Variants in FER observed in about 807,000 individuals in gnomAD.
FER encodes the protein tyrosine-protein kinase Fer.
A neutral mutation model predicts 111.0 loss-of-function variants in FER; 63 were observed. That is an observed-to-expected ratio of 0.57 (90% CI 0.46 to 0.70). The LOEUF (loss-of-function observed/expected upper bound fraction) is 0.70. FER is among the 30% of genes least tolerant of loss of function. The pLI is 0.00. For missense variants in FER, 914 were observed against 954.0 expected, an observed-to-expected ratio of 0.96 and a Z score of 0.55; for synonymous variants, 327 against 313.9, an observed-to-expected ratio of 1.04 and a Z score of -0.44.
chr5:109,110,942 A>G (rs1749539331), intron 17 of FER, among the ~76,000 whole-genome samples: 1 of 152,166 alleles, frequency 6.6e-6, no homozygotes. Flanking sequence ...AGATGGACAG[A>G]GTACCATTCC....
In FER at chr5:108,897,847, T is replaced by C; in HGVS notation, c.1235T>C (p.Met412Thr). 6.2e-7 allele frequency: 1 copy of C among 1,605,794 alleles called. No homozygotes were observed. The highest frequency in any genetic ancestry group is 8.5e-7 in the Non-Finnish European group (1 of 1,176,682). ...YEEDARSVTS[M>T]ERKERLSKFE... The stretch of plus-strand genomic sequence containing the variant: ...GAAGATGCACGATCAGTTACATCTA[T>C]GGTAAGCTAAAGAATAATCCAATGA... The change falls in exon 10 of 20, where the codon ATG (methionine) becomes ACG (threonine). Residue 412 changes from methionine (M) to threonine (T), a missense_variant and splice_region_variant. By Grantham distance (81) the Met-to-Thr change is moderately conservative. Coordinates refer to ENST00000281092, the MANE Select transcript of FER (RefSeq NM_005246.4).
At position 109,030,393 on chromosome 5, in the gene FER, A is replaced by G. The variant is rs188971121; in HGVS notation, c.1657-7029A>G. Among the ~76,000 whole-genome samples the G allele has an allele frequency of 2.0e-3, 305 of 152,276 alleles. 2 individuals carry two copies. The highest frequency in any genetic ancestry group is 7.1e-3 in the African/African-American group (295 of 41,554). ...GATGATTTTTAATTGTACCCTAGAC[A>G]TATAATCTATTATGTTAGGACATCT... On this transcript the variant is annotated intron_variant, in intron 13 of 19. Transcript: ENST00000281092.
At chr5:109,184,656 T>G (rs1758661303) in intron 18 of FER, among the ~76,000 whole-genome samples, 1 of 152,218 alleles carries the variant, frequency 6.6e-6, no homozygotes, top group South Asian at 2.1e-4. Context: ...AAGTATTAAA[T>G]TATTGAATGC....
At chr5:109,051,749 C>T (rs1772863586) in intron 16 of FER, 8 of 1,569,122 alleles carry the variant, frequency 5.1e-6, no homozygotes, top group South Asian at 4.4e-5. Context: ...TTAACCCAAT[C>T]CTTAACGCCC....
intron 17 of FER, among the ~76,000 whole-genome samples, chr5:109,103,686 ACTT>A (rs536742590): frequency 7.4e-4 from 113 of 152,262 alleles, no homozygotes; most frequent in African/African-American, 2.5e-3. Context: ...TCCTACTTGT[ACTT>A]TATGAACTGT....
At chr5:108,963,166 G>A (rs1166963827) in intron 13 of FER, among the ~76,000 whole-genome samples, 1 of 152,092 alleles carries the variant, frequency 6.6e-6, no homozygotes, top group Non-Finnish European at 1.5e-5. Flanking sequence ...TGACACTTTT[G>A]GAAGATATTT....
intron 1 of FER, among the ~76,000 whole-genome samples, chr5:108,757,955 G>T (rs2149921643): frequency 6.6e-6 from 1 of 152,196 alleles, no homozygotes; most frequent in South Asian, 2.1e-4. Context: ...TCTGGAACTG[G>T]CATTCTAAGA....
intron 16 of FER, among the ~76,000 whole-genome samples, chr5:109,057,024 A>G (rs1773742088): frequency 6.6e-6 from 1 of 152,142 alleles, no homozygotes; most frequent in South Asian, 2.1e-4. Context: ...TTTGGGGAAA[A>G]TAGACTTCCT....
intron 17 of FER, among the ~76,000 whole-genome samples, chr5:109,104,267 G>C (rs1748608568): frequency 6.6e-6 from 1 of 152,156 alleles, no homozygotes; most frequent in African/African-American, 2.4e-5. Flanking sequence ...TGAAGACATT[G>C]ATATTTCCAG....
chr5:108,922,832 A>T (rs1753206260), intron 10 of FER, among the ~76,000 whole-genome samples: 2 of 152,200 alleles, frequency 1.3e-5, no homozygotes, highest in African/African-American at 4.8e-5. Context: ...TAAATTGTTA[A>T]TGTATCTTTG....
chr5:108,995,056 A>G (rs1763812337), intron 13 of FER, among the ~76,000 whole-genome samples: 2 of 152,110 alleles, frequency 1.3e-5, no homozygotes, highest in South Asian at 4.2e-4. Flanking sequence ...TCATCTGCAA[A>G]CAGAGGTAGT....
chr5:109,118,363 A>C (rs1750541438), intron 17 of FER, among the ~76,000 whole-genome samples: 3 of 152,150 alleles, frequency 2.0e-5, no homozygotes, highest in Non-Finnish European at 4.4e-5. Flanking sequence ...AGCCCACTTG[A>C]TCATGGTGGA....
chr5:108,981,894 T>C (rs1162728876), intron 13 of FER, among the ~76,000 whole-genome samples: 1 of 152,108 alleles, frequency 6.6e-6, no homozygotes, highest in Non-Finnish European at 1.5e-5. Context: ...TGCCTGTAAT[T>C]TCATGTTCAT....
intron 13 of FER, among the ~76,000 whole-genome samples, chr5:109,008,782 C>T (rs1765828000): frequency 6.6e-6 from 1 of 151,992 alleles, no homozygotes; most frequent in Non-Finnish European, 1.5e-5. Context: ...ACCAGCCTGA[C>T]CAACATGGAG....
chr5:108,826,414 C>T (rs898188685), intron 3 of FER, among the ~76,000 whole-genome samples: 2 of 151,578 alleles, frequency 1.3e-5, no homozygotes, highest in South Asian at 4.2e-4. Context: ...TCCTTTTTTT[C>T]CAATTTATTT....
At chr5:108,821,616 T>G (rs1430456434) in intron 3 of FER, among the ~76,000 whole-genome samples, 2 of 152,168 alleles carry the variant, frequency 1.3e-5, no homozygotes, top group African/African-American at 4.8e-5. Flanking sequence ...TTGAAAAATT[T>G]TAGCCATTAT....
intron 2 of FER, among the ~76,000 whole-genome samples, chr5:108,778,957 A>G (rs1209885782): frequency 1.3e-5 from 2 of 149,358 alleles, no homozygotes; most frequent in African/African-American, 4.9e-5. Flanking sequence ...ATTTTGGCCT[A>G]TGATTGATTT....
At chr5:109,052,066 T>A (rs1561830281) in intron 16 of FER, 3 of 1,603,314 alleles carry the variant, frequency 1.9e-6, no homozygotes, top group Non-Finnish European at 2.6e-6. Context: ...CTTCTTTATC[T>A]CAATCTGCTT....
intron 10 of FER, among the ~76,000 whole-genome samples, chr5:108,935,349 C>A (rs1755308418): frequency 6.6e-6 from 1 of 152,098 alleles, no homozygotes; most frequent in African/African-American, 2.4e-5. Flanking sequence ...TAATCTGTCT[C>A]CTTCTTCACA....
Sources: gnomAD v4.1 joint callset for allele counts (sites outside exome capture counted in the v4.1 genomes callset) on GRCh38, gnomAD v4.1.1 for gene constraint, MANE v1.5 for transcripts, NCBI Gene and HGNC (gene_info 2026-07-23, HGNC 2026-07-21) for gene names.